The following LMF1 variants were observed in gnomAD, a reference collection of about 807,000 sequenced individuals.
The protein encoded by LMF1 is transmembrane protein 112.
A neutral mutation model predicts 60.6 loss-of-function variants in LMF1; 68 were observed. The ratio of observed to expected loss-of-function variants is 1.12; its 90% CI spans 0.92 to 1.37. The LOEUF (loss-of-function observed/expected upper bound fraction) is 1.37. Ranked by LOEUF, LMF1 falls within the 40% of genes most tolerant of loss-of-function variation. The probability of loss-of-function intolerance (pLI) is 0.00; values close to 1 mark genes in which losing one functional copy is unlikely to be tolerated. For synonymous variants in LMF1, 418 were observed against 324.7 expected, an observed-to-expected ratio of 1.29 and a Z score of -3.09; for missense variants, 948 against 767.2, an observed-to-expected ratio of 1.24 and a Z score of -2.78.
intron 2 of LMF1, among the ~76,000 whole-genome samples, chr16:935,580 A>AAAAATAC (rs933436692): frequency 3.3e-5 from 5 of 152,114 alleles, no homozygotes; most frequent in African/African-American, 1.2e-4. Context: ...CTAAAAAAAA[A>AAAAATAC]AAAACTCATA....
intron 2 of LMF1, among the ~76,000 whole-genome samples, chr16:951,886 T>C (rs925598870): frequency 6.6e-6 from 1 of 152,206 alleles, no homozygotes; most frequent in Non-Finnish European, 1.5e-5. Context: ...AGACAGCTCA[T>C]GTGAACGTGA....
intron 2 of LMF1, among the ~76,000 whole-genome samples, chr16:938,732 T>C (rs777994830): frequency 1.3e-5 from 2 of 152,100 alleles, no homozygotes; most frequent in Admixed American, 1.3e-4. Flanking sequence ...GATGGATGGA[T>C]GGACAGACGA....
chr16:898,788 A>G (rs1355064750), intron 4 of LMF1, among the ~76,000 whole-genome samples: 1 of 152,224 alleles, frequency 6.6e-6, no homozygotes, highest in Non-Finnish European at 1.5e-5. Flanking sequence ...TACCATGTAA[A>G]TTCCTCTTGC....
chr16:914,585 C>CT (rs2071221896), intron 3 of LMF1, among the ~76,000 whole-genome samples: 1 of 5,822 alleles, frequency 1.7e-4, no homozygotes, highest in African/African-American at 4.8e-4. Flanking sequence ...CCCTCCCTTC[C>CT]CATGACCACT....
intron 2 of LMF1, among the ~76,000 whole-genome samples, chr16:937,353 T>TA (rs1193236674): frequency 6.6e-6 from 1 of 152,248 alleles, no homozygotes; most frequent in Non-Finnish European, 1.5e-5. Context: ...ACTCAAGTCC[T>TA]TTCCTGGACA....
chr16:980,789 G>A (rs1265754675), intron 1 of LMF1: 1 of 152,230 alleles, frequency 6.6e-6, no homozygotes, highest in Non-Finnish European at 1.5e-5. Context: ...TCCCCACCAG[G>A]GCGGCACACC....
In LMF1 at chr16:876,232, C is replaced by T. The variant is rs181937696; in HGVS notation, c.897+3338G>A. On this transcript the variant is annotated intron_variant, in intron 6 of 10. Coordinates refer to ENST00000262301, the MANE Select transcript of LMF1 (RefSeq NM_022773.4). ...CCTGCAGGAGGTGCAGGAGCCCACG[C>T]GCGGCCGCGGAGGGCAGGAAGCCAG... Among the ~76,000 whole-genome samples the T allele has an allele frequency of 5.3e-5, 8 of 152,334 alleles. No individual in the cohort carries two copies. In the East Asian group the frequency reaches 5.8e-4, roughly 11 times the overall value.
At chr16:963,420 A>G (rs2072855549) in intron 1 of LMF1, among the ~76,000 whole-genome samples, 1 of 152,004 alleles carries the variant, frequency 6.6e-6, no homozygotes, top group Non-Finnish European at 1.5e-5. Flanking sequence ...ACACATGTGC[A>G]CATGTATACA....
chr16:860,756 C>T lies in LMF1; in HGVS notation c.1530-6050G>A, dbSNP rs113092528. 3.6e-3 allele frequency among the ~76,000 whole-genome samples: 548 copies of T among 151,204 alleles called. 6 individuals carry two copies. The highest frequency in any genetic ancestry group is 0.013 in the African/African-American group (524 of 40,638). On this transcript the variant is annotated intron_variant, in intron 10 of 10. Transcript: ENST00000262301. ...GTTTTTGTCCATGGAATTGCTTTTG[C>T]GCTTTTGTAAAAAAAACTCATCCGG...
At chr16:926,154 G>A (rs1285718968) in intron 3 of LMF1, among the ~76,000 whole-genome samples, 1 of 151,512 alleles carries the variant, frequency 6.6e-6, no homozygotes, top group Admixed American at 6.6e-5. Context: ...ACCTGTGTTT[G>A]CATATGTGCA....
chr16:859,218 G>C (rs1253866860), intron 10 of LMF1, among the ~76,000 whole-genome samples: 10 of 132,262 alleles, frequency 7.6e-5, no homozygotes, highest in African/African-American at 3.5e-4. Flanking sequence ...CTCGGGACGG[G>C]TGTGCAGTGG....
At position 913,840 on chromosome 16, in the gene LMF1, G is replaced by A. The variant is rs147409652; in HGVS notation, c.515-2761C>T. On this transcript the variant is annotated intron_variant, in intron 3 of 10. Transcript: ENST00000262301. ...GTGGGGCACACAGAAGAGAGGCTTC[G>A]CCATGGGGCAGCCCGAGGCACATGG... is the stretch of plus-strand genomic sequence containing the variant. 6.1e-3 allele frequency among the ~76,000 whole-genome samples: 925 copies of A among 152,238 alleles called. 6 individuals carry two copies. The highest frequency in any genetic ancestry group is 0.01 in the Non-Finnish European group (702 of 68,008).
intron 5 of LMF1, among the ~76,000 whole-genome samples, chr16:890,774 G>A (rs570796396): frequency 1.3e-5 from 2 of 152,336 alleles, no homozygotes; most frequent in African/African-American, 2.4e-5. Context: ...ATCACAAGGA[G>A]GTCCCAGATA....
chr16:908,074 C>T (rs914927020), intron 4 of LMF1, among the ~76,000 whole-genome samples: 3 of 152,148 alleles, frequency 2.0e-5, no homozygotes, highest in African/African-American at 7.2e-5. Flanking sequence ...GACAGCGCTT[C>T]CCCCACCCGG....
chr16:920,122 C>G (rs2071394271), intron 3 of LMF1, among the ~76,000 whole-genome samples: 1 of 152,146 alleles, frequency 6.6e-6, no homozygotes, highest in African/African-American at 2.4e-5. Context: ...CCAGCCCTGG[C>G]CCGTCAGCTG....
chr16:914,573 T>TCCCATGACCATTGGTGACACAC (rs2071221103), intron 3 of LMF1, among the ~76,000 whole-genome samples: 2 of 4,548 alleles, frequency 4.4e-4, no homozygotes, highest in African/African-American at 8.6e-4. Context: ...CACTCCCTCT[T>TCCCATGACCATTGGTGACACAC]TCCCTCCCTT....
intron 6 of LMF1, among the ~76,000 whole-genome samples, chr16:877,664 C>T (rs1035621057): frequency 3.9e-5 from 6 of 152,154 alleles, no homozygotes; most frequent in South Asian, 2.1e-4. Context: ...CAGCCGGCAT[C>T]GTGAGAGGCA....
intron 4 of LMF1, among the ~76,000 whole-genome samples, chr16:908,009 C>T (rs1363184332): frequency 2.6e-5 from 4 of 152,338 alleles, no homozygotes; most frequent in South Asian, 4.1e-4. Context: ...GGCGGCTCCT[C>T]TGCGGGGCCG....
intron 1 of LMF1, among the ~76,000 whole-genome samples, chr16:959,234 G>C (rs1326938072): frequency 1.3e-5 from 2 of 152,226 alleles, no homozygotes; most frequent in Non-Finnish European, 2.9e-5. Context: ...AAAATAATCA[G>C]AGATAAGAAT....
Sources: gnomAD v4.1 joint callset for allele counts (sites outside exome capture counted in the v4.1 genomes callset) on GRCh38, gnomAD v4.1.1 for gene constraint, MANE v1.5 for transcripts, NCBI Gene and HGNC (gene_info 2026-07-23, HGNC 2026-07-21) for gene names.